EPHB1: variants seen among roughly 807,000 people sequenced by gnomAD.
The protein encoded by EPHB1 is ephrin type-B receptor 1.
In EPHB1, 30 loss-of-function variants were observed where a neutral mutation model predicts 94.4. That is an observed-to-expected ratio of 0.32 (90% confidence interval 0.24 to 0.43). The LOEUF is 0.43. EPHB1 is among the 20% of genes least tolerant of loss of function. The probability of loss-of-function intolerance (pLI) is 1.00; values close to 1 mark genes in which losing one functional copy is unlikely to be tolerated. For missense variants in EPHB1, 1,055 were observed against 1,308.3 expected (o/e 0.81, Z 2.99); for synonymous variants, 522 against 489.1 (o/e 1.07, Z -0.89).
rs2107687160 is a variant in EPHB1 at position 135,132,747 on chromosome 3, T to C, written c.995T>C (p.Ile332Thr). The change falls in exon 5 of 16, where the codon ATC becomes ACC. Residue 332 changes from isoleucine (I) to threonine (T), a missense_variant. Transcript: ENST00000398015. ...TCAGGTCCCCGCAATGTTATCTCCA[T>C]CGTCAATGAGACGTCCATCATTCTG... The part of the protein sequence containing the change: ...VPSGPRNVIS[I>T]VNETSIILEW... The C allele has an allele frequency of 6.2e-7, 1 of 1,605,774 alleles. No individual in the cohort carries two copies.
At chr3:134,976,050 T>TC (rs1934178143) in intron 3 of EPHB1, among the ~76,000 whole-genome samples, 1 of 151,860 alleles carries the variant, frequency 6.6e-6, no homozygotes, top group African/African-American at 2.4e-5. Context: ...CTGGAGGGAG[T>TC]CTGCCTTGGC....
At chr3:134,877,402 G>A (rs1353217136) in intron 1 of EPHB1, among the ~76,000 whole-genome samples, 1 of 152,186 alleles carries the variant, frequency 6.6e-6, no homozygotes, top group African/African-American at 2.4e-5. Context: ...GACCCCCACA[G>A]CAGGGTCAGC....
At chr3:135,180,906 A>G (rs1413807298) in intron 10 of EPHB1, among the ~76,000 whole-genome samples, 1 of 152,172 alleles carries the variant, frequency 6.6e-6, no homozygotes, top group Middle Eastern at 3.2e-3. Flanking sequence ...AGCTCTCTTC[A>G]CTAATATGCT....
intron 1 of EPHB1, among the ~76,000 whole-genome samples, chr3:134,815,807 C>T (rs932613220): frequency 6.6e-6 from 1 of 152,084 alleles, no homozygotes; most frequent in Non-Finnish European, 1.5e-5. Flanking sequence ...TTGTTGTTTT[C>T]CAAATTTATT....
chr3:134,847,063 G>C (rs960357011), intron 1 of EPHB1, among the ~76,000 whole-genome samples: 1 of 152,046 alleles, frequency 6.6e-6, no homozygotes, highest in Non-Finnish European at 1.5e-5. Flanking sequence ...ATTCCTTTCT[G>C]AGGGGTCAGA....
chr3:134,971,353 A>G (rs933039249), intron 3 of EPHB1, among the ~76,000 whole-genome samples: 1 of 152,196 alleles, frequency 6.6e-6, no homozygotes, highest in Non-Finnish European at 1.5e-5. Flanking sequence ...CAGTGGCATC[A>G]TTCTGCCCTT....
At chr3:135,013,823 A>G (rs566163355) in intron 3 of EPHB1, among the ~76,000 whole-genome samples, 1 of 152,312 alleles carries the variant, frequency 6.6e-6, no homozygotes, top group East Asian at 1.9e-4. Context: ...GACTAACTCA[A>G]TTACACATCA....
chr3:135,113,984 G>A (rs1017634549), intron 4 of EPHB1, among the ~76,000 whole-genome samples: 5 of 152,122 alleles, frequency 3.3e-5, no homozygotes, highest in Admixed American at 3.3e-4. Flanking sequence ...CTTGTGATTG[G>A]GATATTGCAA....
At chr3:135,074,557 AAC>A (rs1348333397) in intron 3 of EPHB1, among the ~76,000 whole-genome samples, 1 of 152,176 alleles carries the variant, frequency 6.6e-6, no homozygotes, top group African/African-American at 2.4e-5. Flanking sequence ...TCTGCTACTA[AAC>A]ACACCATTTT....
At chr3:134,894,559 A>C (rs2107686788) in intron 1 of EPHB1, among the ~76,000 whole-genome samples, 1 of 152,308 alleles carries the variant, frequency 6.6e-6, no homozygotes, top group East Asian at 1.9e-4. Flanking sequence ...ACTGTTTATA[A>C]AGCCCAGATT....
At chr3:134,840,114 T>C (rs1278576501) in intron 1 of EPHB1, among the ~76,000 whole-genome samples, 1 of 152,250 alleles carries the variant, frequency 6.6e-6, no homozygotes, top group Non-Finnish European at 1.5e-5. Context: ...TTGAATCAGC[T>C]ATTTCTATGC....
intron 15 of EPHB1, among the ~76,000 whole-genome samples, chr3:135,251,491 G>C (rs1933096085): frequency 6.6e-6 from 1 of 152,138 alleles, no homozygotes; most frequent in South Asian, 2.1e-4. Context: ...AGACCAAAAG[G>C]AAAGTGAAAC....
intron 1 of EPHB1, among the ~76,000 whole-genome samples, chr3:134,902,510 A>T (rs183223554): frequency 2.6e-5 from 4 of 152,242 alleles, no homozygotes; most frequent in Non-Finnish European, 5.9e-5. Context: ...ATATGCAATA[A>T]AAGGAAATTA....
At chr3:135,072,720 T>G (rs1576362618) in intron 3 of EPHB1, among the ~76,000 whole-genome samples, 3 of 152,370 alleles carry the variant, frequency 2.0e-5, no homozygotes, top group African/African-American at 7.2e-5. Context: ...ACGCCCTCTC[T>G]TCTCCATCTT....
At chr3:134,911,835 TG>T (rs2038462701) in intron 1 of EPHB1, among the ~76,000 whole-genome samples, 1 of 152,150 alleles carries the variant, frequency 6.6e-6, no homozygotes, top group Admixed American at 6.5e-5. Flanking sequence ...TTTCCTTCCC[TG>T]ACTGGTTGCC....
chr3:135,196,836 G>T (rs1182473282), intron 11 of EPHB1, among the ~76,000 whole-genome samples: 1 of 152,022 alleles, frequency 6.6e-6, no homozygotes, highest in East Asian at 1.9e-4. Context: ...TCAGTAGATG[G>T]TTCATTATTA....
At chr3:134,962,528 C>G (rs1933559358) in intron 3 of EPHB1, among the ~76,000 whole-genome samples, 1 of 152,200 alleles carries the variant, frequency 6.6e-6, no homozygotes, top group South Asian at 2.1e-4. Flanking sequence ...CCACCCCATT[C>G]TCACAGTCCA....
chr3:135,097,912 A>C (rs1289256617), intron 3 of EPHB1, among the ~76,000 whole-genome samples: 1 of 152,200 alleles, frequency 6.6e-6, no homozygotes, highest in Non-Finnish European at 1.5e-5. Flanking sequence ...TTCCCCAGGT[A>C]AGCTAGGGAT....
intron 4 of EPHB1, among the ~76,000 whole-genome samples, chr3:135,106,835 G>A (rs1031489636): frequency 2.0e-5 from 3 of 152,112 alleles, no homozygotes; most frequent in Non-Finnish European, 2.9e-5. Context: ...TCCCATATAA[G>A]AGGACCTTCT....
Sources: allele counts gnomAD v4.1 joint callset (sites outside exome capture counted in the v4.1 genomes callset), GRCh38; gene constraint gnomAD v4.1.1; transcripts MANE v1.5; gene names NCBI Gene and HGNC (gene_info 2026-07-23, HGNC 2026-07-21).